Variants in ENPP6 observed in about 807,000 individuals in gnomAD.
ENPP6 encodes ectonucleotide pyrophosphatase/phosphodiesterase 6.
A neutral mutation model predicts 42.0 loss-of-function variants in ENPP6; 32 were observed. The ratio of observed to expected loss-of-function variants is 0.76; its 90% confidence interval spans 0.58 to 1.02. ENPP6 has a LOEUF of 1.02. Among genes scored for constraint, ENPP6 ranks in the 50% least tolerant of loss-of-function variants. The pLI is 0.00. For synonymous variants in ENPP6, 213 were observed against 216.0 expected (o/e 0.99, Z 0.12); for missense variants, 552 against 566.8 (o/e 0.97, Z 0.27).
intron 2 of ENPP6, among the ~76,000 whole-genome samples, chr4:184,132,883 T>C (rs907297120): frequency 6.6e-6 from 1 of 150,816 alleles, no homozygotes; most frequent in African/African-American, 2.4e-5. Flanking sequence ...CTATCATAAT[T>C]TTTTGGAGAC....
At chr4:184,212,469 T>C (rs1220310234) in intron 1 of ENPP6, among the ~76,000 whole-genome samples, 1 of 150,494 alleles carries the variant, frequency 6.6e-6, no homozygotes, top group East Asian at 1.9e-4. Flanking sequence ...AGCCAAATCA[T>C]GAGTGAACTC....
intron 7 of ENPP6, among the ~76,000 whole-genome samples, chr4:184,096,221 T>C (rs1579604654): frequency 6.6e-6 from 1 of 152,164 alleles, no homozygotes; most frequent in Admixed American, 6.5e-5. Flanking sequence ...GATGGTAGGC[T>C]GAATGAGGGA....
At chr4:184,131,179 T>C (rs1214290537) in intron 2 of ENPP6, among the ~76,000 whole-genome samples, 1 of 62,352 alleles carries the variant, frequency 1.6e-5, no homozygotes, top group Admixed American at 1.2e-4. Flanking sequence ...CTTTCTTTCT[T>C]TCTTTCTTTC....
intron 1 of ENPP6, among the ~76,000 whole-genome samples, chr4:184,187,671 G>A (rs1732653883): frequency 6.6e-6 from 1 of 152,078 alleles, no homozygotes; most frequent in Non-Finnish European, 1.5e-5. Flanking sequence ...TTGGTGCCTC[G>A]TCTAACTTTT....
At chr4:184,188,877 TG>T (rs1378198417) in intron 1 of ENPP6, among the ~76,000 whole-genome samples, 1 of 152,204 alleles carries the variant, frequency 6.6e-6, no homozygotes, top group Admixed American at 6.5e-5. Flanking sequence ...AGTCAAACCC[TG>T]GCCCTATTAA....
chr4:184,151,449 C>T lies in ENPP6; in HGVS notation c.421+2105G>A, dbSNP rs139199099. ...GATCTCCTCCCACTTGGCTGTAGCA[C>T]TGGCATCCTGGCAGATGAAAGGCCC... On this transcript the variant is annotated intron_variant, in intron 2 of 7. Coordinates refer to ENST00000296741, the MANE Select transcript of ENPP6 (RefSeq NM_153343.4). Among the ~76,000 whole-genome samples, 223 of 152,346 alleles carry T rather than the reference C, an allele frequency of 1.5e-3. 1 individual carries two copies. Among genetic ancestry groups the T allele is most frequent in the Middle Eastern group, 6.8e-3 (2 of 294 alleles).
intron 1 of ENPP6, among the ~76,000 whole-genome samples, chr4:184,210,765 C>T (rs1053357609): frequency 9.9e-5 from 15 of 151,852 alleles, no homozygotes; most frequent in African/African-American, 3.6e-4. Flanking sequence ...ACTCTCCACC[C>T]CAAATCAACA....
intron 1 of ENPP6, among the ~76,000 whole-genome samples, chr4:184,194,081 T>C (rs1284078819): frequency 1.3e-5 from 2 of 152,188 alleles, no homozygotes; most frequent in African/African-American, 2.4e-5. Context: ...GCCCACTGAA[T>C]GTGAGCATGG....
At chr4:184,187,139 G>A (rs1038600750) in intron 1 of ENPP6, among the ~76,000 whole-genome samples, 5 of 152,260 alleles carry the variant, frequency 3.3e-5, no homozygotes, top group South Asian at 2.1e-4. Context: ...GAGGAGATGC[G>A]GAAGGAAAGG....
chr4:184,113,035 T>C (rs991217681), intron 5 of ENPP6, among the ~76,000 whole-genome samples: 1 of 152,222 alleles, frequency 6.6e-6, no homozygotes, highest in Admixed American at 6.5e-5. Context: ...CCTAAGAAGT[T>C]GACTCTGAGG....
rs181645527 is a variant in ENPP6, at chr4:184,193,448, T to C, written c.241+24131A>G. Among the ~76,000 whole-genome samples the C allele has an allele frequency of 2.0e-5, 3 of 151,968 alleles. No individual in the cohort carries two copies. The South Asian group carries it at 6.2e-4, about 32-fold the overall frequency. On this transcript the variant is annotated intron_variant, in intron 1 of 7. Coordinates refer to ENST00000296741, the MANE Select transcript of ENPP6 (RefSeq NM_153343.4). ...AAAAGGCAAATCTATAAAGGCAGAG[T>C]TGGAGGTTGCTTAGGGCTGGAGGTG...
At chr4:184,154,944 C>A (rs1346903856) in intron 1 of ENPP6, among the ~76,000 whole-genome samples, 3 of 152,032 alleles carry the variant, frequency 2.0e-5, no homozygotes, top group African/African-American at 7.2e-5. Context: ...ATATATAGTC[C>A]TATGTATTGT....
intron 2 of ENPP6, among the ~76,000 whole-genome samples, chr4:184,148,069 C>G (rs752081357): frequency 2.0e-4 from 30 of 152,276 alleles, no homozygotes; most frequent in South Asian, 1.0e-3. Flanking sequence ...TGTCATCATG[C>G]TTGCTTTTCA....
intron 1 of ENPP6, among the ~76,000 whole-genome samples, chr4:184,168,645 A>G (rs1274627713): frequency 1.3e-5 from 2 of 152,176 alleles, no homozygotes; most frequent in East Asian, 3.9e-4. Flanking sequence ...CCGTCCCCGT[A>G]GTCCGCCGAG....
rs554799603 is a variant in ENPP6 at position 184,202,310 on chromosome 4, C to T, written c.241+15269G>A. 7.9e-5 allele frequency among the ~76,000 whole-genome samples: 12 copies of T among 152,324 alleles called. No homozygotes were observed. The East Asian group carries it at 9.6e-4, about 12-fold the overall frequency. Reference sequence around the variant, plus strand: ...GTGGCATCTGTTCAGGCTCTTCTTTCGTATTCACTCATCAGCCAATCAGCA... The same window carrying T: ...GTGGCATCTGTTCAGGCTCTTCTTTTGTATTCACTCATCAGCCAATCAGCA... On this transcript the variant is annotated intron_variant, in intron 1 of 7. Coordinates refer to ENST00000296741, the MANE Select transcript of ENPP6 (RefSeq NM_153343.4).
At chr4:184,158,462 T>C (rs1737209998) in intron 1 of ENPP6, among the ~76,000 whole-genome samples, 1 of 152,238 alleles carries the variant, frequency 6.6e-6, no homozygotes, top group Non-Finnish European at 1.5e-5. Context: ...TGTCAAAATA[T>C]TGAAAATTCT....
At chr4:184,155,836 A>T (rs1267441203) in intron 1 of ENPP6, among the ~76,000 whole-genome samples, 1 of 152,214 alleles carries the variant, frequency 6.6e-6, no homozygotes, top group East Asian at 1.9e-4. Flanking sequence ...TCATTTGGTG[A>T]AAATTTCTCT....
intron 2 of ENPP6, among the ~76,000 whole-genome samples, chr4:184,132,697 T>A (rs569983753): frequency 7.3e-4 from 111 of 152,100 alleles, no homozygotes; most frequent in Admixed American, 4.3e-3. Flanking sequence ...CGTTTAGATC[T>A]ACAATCCATC....
chr4:184,211,614 A>G (rs1733112826), intron 1 of ENPP6, among the ~76,000 whole-genome samples: 1 of 152,248 alleles, frequency 6.6e-6, no homozygotes, highest in Non-Finnish European at 1.5e-5. Context: ...CCAACTAAAA[A>G]GAGTCCAGGA....
Sources: gnomAD v4.1 joint callset for allele counts (sites outside exome capture counted in the v4.1 genomes callset) on GRCh38, gnomAD v4.1.1 for gene constraint, MANE v1.5 for transcripts, NCBI Gene and HGNC (gene_info 2026-07-23, HGNC 2026-07-21) for gene names.